KLHL1: variants seen among roughly 807,000 people sequenced by gnomAD.
The protein encoded by KLHL1 is kelch-like protein 1.
In KLHL1, 47 loss-of-function variants were observed where a neutral mutation model predicts 77.7. The ratio of observed to expected loss-of-function variants is 0.60; its 90% CI spans 0.48 to 0.77. The LOEUF (loss-of-function observed/expected upper bound fraction) is 0.77. KLHL1 is among the 30% of genes least tolerant of loss of function. The pLI is 0.00. For missense variants in KLHL1, 925 were observed against 910.8 expected, an observed-to-expected ratio of 1.02 and a Z score of -0.20; for synonymous variants, 360 against 325.2, an observed-to-expected ratio of 1.11 and a Z score of -1.15.
At chr13:69,716,801 T>A (rs957798384) in intron 9 of KLHL1, among the ~76,000 whole-genome samples, 18 of 152,158 alleles carry the variant, frequency 1.2e-4, no homozygotes, top group African/African-American at 3.1e-4. Context: ...TATAGCATAG[T>A]GCCAAATACA....
At chr13:69,833,140 A>G (rs919927624) in intron 6 of KLHL1, among the ~76,000 whole-genome samples, 2 of 152,166 alleles carry the variant, frequency 1.3e-5, no homozygotes, top group African/African-American at 4.8e-5. Flanking sequence ...TCTGCACACC[A>G]AAGGAAATAA....
intron 4 of KLHL1, among the ~76,000 whole-genome samples, chr13:69,924,880 C>T (rs932806030): frequency 3.3e-5 from 5 of 152,186 alleles, no homozygotes; most frequent in African/African-American, 9.7e-5. Flanking sequence ...GTTTGTGGGA[C>T]GCCTGGTCCA....
At chr13:69,936,329 C>T (rs975602412) in intron 4 of KLHL1, among the ~76,000 whole-genome samples, 2 of 152,132 alleles carry the variant, frequency 1.3e-5, no homozygotes, top group Non-Finnish European at 2.9e-5. Flanking sequence ...TGGCTCATGC[C>T]TGTAATCCCA....
At chr13:69,741,215 A>G (rs1185852217) in intron 7 of KLHL1, among the ~76,000 whole-genome samples, 1 of 152,172 alleles carries the variant, frequency 6.6e-6, no homozygotes, top group Non-Finnish European at 1.5e-5. Flanking sequence ...ATATATAACT[A>G]GTACTCATTG....
chr13:70,024,289 T>C lies in KLHL1; in HGVS notation c.498-48487A>G, dbSNP rs573196140. On this transcript the variant is annotated intron_variant, in intron 1 of 10. Transcript: ENST00000377844. ...TTTAAAGTTTTGACAATTTCTTAAT[T>C]CAAAGAAACCTAGTAGTTTATATTT... Among the ~76,000 whole-genome samples, 6 of 152,008 alleles carry C rather than the reference T, an allele frequency of 3.9e-5. No homozygotes were observed. The South Asian group carries it at 1.2e-3, about 32-fold the overall frequency.
chr13:69,859,947 A>G (rs143077031), intron 5 of KLHL1, among the ~76,000 whole-genome samples: 6 of 150,314 alleles, frequency 4.0e-5, no homozygotes, highest in African/African-American at 1.0e-4. Flanking sequence ...GAAAAACTCA[A>G]TCTATCATCT....
intron 1 of KLHL1, among the ~76,000 whole-genome samples, chr13:70,028,901 T>G (rs1886021263): frequency 6.6e-6 from 1 of 151,158 alleles, no homozygotes; most frequent in Non-Finnish European, 1.5e-5. Context: ...CGCTTGAACC[T>G]GGGAAGTAGT....
intron 4 of KLHL1, among the ~76,000 whole-genome samples, chr13:69,891,342 A>G (rs1438829047): frequency 6.6e-6 from 1 of 152,068 alleles, no homozygotes; most frequent in Non-Finnish European, 1.5e-5. Flanking sequence ...GAATTTTATA[A>G]TTATCTCAAA....
At chr13:70,024,618 A>ATTTCTCTCTCTCTCTCTCTTTCTCTC (rs1555291444) in intron 1 of KLHL1, among the ~76,000 whole-genome samples, 1,226 of 62,496 alleles carry the variant, frequency 0.02, 88 homozygotes, top group South Asian at 0.049. Context: ...AGGAGAAAAG[A>ATTTCTCTCTCTCTCTCTCTTTCTCTC]TTTCTCTCTC....
chr13:70,022,384 G>C (rs1885826742), intron 1 of KLHL1, among the ~76,000 whole-genome samples: 2 of 151,562 alleles, frequency 1.3e-5, no homozygotes, highest in Middle Eastern at 3.4e-3. Context: ...ACTGTGACTA[G>C]TGATACTCAC....
rs1441577 is a variant in KLHL1 at position 70,036,828 on chromosome 13, C to T, written c.498-61026G>A. Among the ~76,000 whole-genome samples, 16 of 124,564 alleles carry T rather than the reference C, an allele frequency of 1.3e-4. No individual in the cohort carries two copies. The East Asian group carries it at 3.7e-3, about 29-fold the overall frequency. The allele number at this position is 124,564 out of a possible 152,430, so 81.7% of individuals were successfully genotyped here. A position where few individuals can be genotyped will look rare whatever the true frequency, so the allele number is the denominator to read the frequency against. On this transcript the variant is annotated intron_variant, in intron 1 of 10. Transcript: ENST00000377844. The stretch of plus-strand genomic sequence containing the variant: ...GCCCAACTTGGGTTTGATTTTAATG[C>T]CATGGTCTTTTTTTTTTTTTTTTTT...
chr13:69,939,911 CA>C lies in KLHL1; in HGVS notation c.1014+128del, dbSNP rs1014493821. The C allele has an allele frequency of 8.3e-6, 5 of 604,850 alleles. No individual in the cohort carries two copies. In the Admixed American group the frequency reaches 1.1e-4, roughly 13 times the overall value. 37.5% of individuals were successfully genotyped at this position (604,850 alleles called of 1,614,324 possible). A position where few individuals can be genotyped will look rare whatever the true frequency, so the allele number is the denominator to read the frequency against. On this transcript the variant is annotated intron_variant, in intron 4 of 10. Transcript: ENST00000377844. ...CATTATGGTACGCTATAGTTCATAA[CA>C]AAAAAATGTGCCAAGCATAGAAAAC...
chr13:70,049,391 A>G (rs2137389930), intron 1 of KLHL1, among the ~76,000 whole-genome samples: 1 of 152,292 alleles, frequency 6.6e-6, no homozygotes, highest in South Asian at 2.1e-4. Flanking sequence ...CTTAAGTAAC[A>G]CTTTATGAGA....
At chr13:69,719,209 T>TGTGTGTGTGTGAGAGA (rs879782405) in intron 9 of KLHL1, among the ~76,000 whole-genome samples, 160 bp downstream of exon 9, 2 of 36,864 alleles carry the variant, frequency 5.4e-5, no homozygotes, top group African/African-American at 1.1e-4. Context: ...TGTGTGTGTG[T>TGTGTGTGTGTGAGAGA]GAGAGAGAGA....
chr13:69,733,787 T>C (rs560171480), intron 8 of KLHL1, among the ~76,000 whole-genome samples: 50 of 152,324 alleles, frequency 3.3e-4, no homozygotes, highest in Non-Finnish European at 6.9e-4. Context: ...ATTTGAGCAG[T>C]ATCTACTAAA....
At chr13:70,104,380 A>T (rs1485601466) in intron 1 of KLHL1, among the ~76,000 whole-genome samples, 1 of 152,112 alleles carries the variant, frequency 6.6e-6, no homozygotes, top group African/African-American at 2.4e-5. Context: ...AATATTTCCC[A>T]CTACCTTTAT....
intron 4 of KLHL1, among the ~76,000 whole-genome samples, chr13:69,887,912 C>G (rs1449688110): frequency 1.3e-5 from 2 of 152,150 alleles, no homozygotes; most frequent in Non-Finnish European, 2.9e-5. Flanking sequence ...AAAGCCTCTT[C>G]CACATTTTTT....
At chr13:69,947,580 TC>T in intron 3 of KLHL1, among the ~76,000 whole-genome samples, 1 of 152,282 alleles carries the variant, frequency 6.6e-6, no homozygotes, top group African/African-American at 2.4e-5. Context: ...AAAAGAATTT[TC>T]ACAAGATATA....
intron 5 of KLHL1, among the ~76,000 whole-genome samples, chr13:69,848,570 T>A (rs1879563224): frequency 6.6e-6 from 1 of 151,564 alleles, no homozygotes; most frequent in Non-Finnish European, 1.5e-5. Context: ...TATTTATATT[T>A]AAAAATGAAA....
Sources: allele counts gnomAD v4.1 joint callset (sites outside exome capture counted in the v4.1 genomes callset), GRCh38; gene constraint gnomAD v4.1.1; transcripts MANE v1.5; gene names NCBI Gene and HGNC (gene_info 2026-07-23, HGNC 2026-07-21).